Variants in SLC8A1 observed in about 807,000 individuals in gnomAD.
SLC8A1 encodes the protein sodium/calcium exchanger 1.
SLC8A1 carries 18 observed loss-of-function variants against 68.3 expected under a neutral mutation model. The observed-to-expected ratio is 0.26, with a 90% confidence interval of 0.18 to 0.39. The LOEUF (loss-of-function observed/expected upper bound fraction) is 0.39, where lower values mean the gene tolerates loss of function less well. SLC8A1 is among the 10% of genes least tolerant of loss of function. The pLI is 1.00. For missense variants in SLC8A1, 985 were observed against 1,156.7 expected, an observed-to-expected ratio of 0.85 and a Z score of 2.15; for synonymous variants, 475 against 415.5, an observed-to-expected ratio of 1.14 and a Z score of -1.74.
chr2:40,102,851 A>G (rs1306853148), exon 8 of SLC8A1: 1 of 152,204 alleles, frequency 6.6e-6, no homozygotes, highest in Non-Finnish European at 1.5e-5. Flanking sequence ...TTAAAATATG[A>G]AAATACAGTC....
intron 1 of SLC8A1, among the ~76,000 whole-genome samples, chr2:40,501,414 C>T (rs1053958911): frequency 6.6e-6 from 1 of 152,078 alleles, no homozygotes; most frequent in Non-Finnish European, 1.5e-5. Flanking sequence ...CATACATTTG[C>T]TCACTTTAAA....
At chr2:40,271,877 T>A (rs998426729) in intron 2 of SLC8A1, among the ~76,000 whole-genome samples, 1 of 152,116 alleles carries the variant, frequency 6.6e-6, no homozygotes, top group East Asian at 1.9e-4. Context: ...TTTATTTATT[T>A]TTTTTTAGAG....
rs1033811077 is a variant in SLC8A1, at chr2:40,426,561, G to C, written c.1808+1912C>G. 2.0e-5 allele frequency among the ~76,000 whole-genome samples: 3 copies of C among 151,978 alleles called. No homozygotes were observed. In the South Asian group the frequency reaches 6.2e-4, roughly 32 times the overall value. The stretch of plus-strand genomic sequence containing the variant: ...CCCAAAAGAAGGTTATTTATGGTTT[G>C]GTAAAAGTCCTGAACTGCAGAATAG... On this transcript the variant is annotated intron_variant, in intron 2 of 7. Transcript: ENST00000406785.
chr2:40,107,752 G>A (rs1035382701), exon 8 of SLC8A1: 4 of 152,150 alleles, frequency 2.6e-5, no homozygotes, highest in Non-Finnish European at 5.9e-5. Flanking sequence ...GAAGTTTACA[G>A]AGATCACCTA....
intron 1 of SLC8A1, among the ~76,000 whole-genome samples, chr2:40,468,397 T>G (rs1446477017): frequency 6.6e-6 from 1 of 152,154 alleles, no homozygotes; most frequent in Non-Finnish European, 1.5e-5. Flanking sequence ...TGACAATTAC[T>G]TAGTTTATTT....
intron 2 of SLC8A1, among the ~76,000 whole-genome samples, chr2:40,368,484 C>G (rs886786728): frequency 6.6e-6 from 1 of 151,870 alleles, no homozygotes; most frequent in South Asian, 2.1e-4. Flanking sequence ...TTGGGAGGAA[C>G]TGGGATTTAC....
intron 2 of SLC8A1, among the ~76,000 whole-genome samples, chr2:40,389,382 G>T (rs1016833345): frequency 1.3e-5 from 2 of 151,922 alleles, no homozygotes; most frequent in African/African-American, 4.8e-5. Context: ...CTATCAGTTT[G>T]CAATATTTCA....
At chr2:40,370,360 C>G (rs1459303160) in intron 2 of SLC8A1, among the ~76,000 whole-genome samples, 2 of 152,116 alleles carry the variant, frequency 1.3e-5, no homozygotes, top group Non-Finnish European at 2.9e-5. Flanking sequence ...AGCACCCACA[C>G]CACCTTCTCC....
intron 2 of SLC8A1, among the ~76,000 whole-genome samples, chr2:40,405,542 C>A (rs1690075540): frequency 6.6e-6 from 1 of 152,210 alleles, no homozygotes; most frequent in South Asian, 2.1e-4. Flanking sequence ...TGCCACAATT[C>A]ATTTTCCAAT....
At chr2:40,463,089 G>T (rs1703440054) in intron 1 of SLC8A1, among the ~76,000 whole-genome samples, 1 of 152,174 alleles carries the variant, frequency 6.6e-6, no homozygotes, top group Non-Finnish European at 1.5e-5. Context: ...TAACATTGTG[G>T]TAAGTGGCAG....
At chr2:40,282,051 T>C (rs750784600) in intron 2 of SLC8A1, among the ~76,000 whole-genome samples, 1 of 152,166 alleles carries the variant, frequency 6.6e-6, no homozygotes, top group Non-Finnish European at 1.5e-5. Context: ...CACAAGAGCG[T>C]ACCTTTAATG....
chr2:40,131,729 A>T (rs2039372913), intron 7 of SLC8A1, among the ~76,000 whole-genome samples: 1 of 152,098 alleles, frequency 6.6e-6, no homozygotes, highest in Non-Finnish European at 1.5e-5. Flanking sequence ...CCTGGGCCCC[A>T]CTGACCGGCA....
chr2:40,353,175 G>C (rs1314791017), intron 2 of SLC8A1, among the ~76,000 whole-genome samples: 1 of 152,120 alleles, frequency 6.6e-6, no homozygotes, highest in African/African-American at 2.4e-5. Context: ...AAATTTTTGA[G>C]AATGAGAACT....
At chr2:40,509,475 A>T (rs1222593977) in intron 1 of SLC8A1, among the ~76,000 whole-genome samples, 1 of 140,730 alleles carries the variant, frequency 7.1e-6, no homozygotes. Context: ...AGAATTGCCA[A>T]TGATATCTTT....
chr2:40,234,301 A>T (rs1439642065), intron 2 of SLC8A1, among the ~76,000 whole-genome samples: 1 of 151,430 alleles, frequency 6.6e-6, no homozygotes, highest in Non-Finnish European at 1.5e-5. Context: ...GTTCTCCTTG[A>T]AGAGGTCCTT....
chr2:40,181,240 G>T (rs1392174651), intron 2 of SLC8A1, among the ~76,000 whole-genome samples: 2 of 152,178 alleles, frequency 1.3e-5, no homozygotes, highest in African/African-American at 4.8e-5. Flanking sequence ...GATTACAGGG[G>T]TGAGCCACCA....
At chr2:40,474,374 C>T (rs1704159980) in intron 1 of SLC8A1, among the ~76,000 whole-genome samples, 1 of 152,152 alleles carries the variant, frequency 6.6e-6, no homozygotes, top group Non-Finnish European at 1.5e-5. Context: ...AAGAAGTTTA[C>T]TCTTGGACAA....
intron 2 of SLC8A1, among the ~76,000 whole-genome samples, chr2:40,363,051 G>A (rs1675062627): frequency 6.6e-6 from 1 of 151,952 alleles, no homozygotes; most frequent in Non-Finnish European, 1.5e-5. Flanking sequence ...ACCACCCCTA[G>A]AAGGTACTGC....
At chr2:40,472,214 T>C (rs1013521561) in intron 1 of SLC8A1, among the ~76,000 whole-genome samples, 2 of 152,158 alleles carry the variant, frequency 1.3e-5, no homozygotes, top group African/African-American at 4.8e-5. Context: ...AGAAAAAAAC[T>C]TGAATTGGAA....
Sources: gnomAD v4.1 joint callset for allele counts (sites outside exome capture counted in the v4.1 genomes callset) on GRCh38, gnomAD v4.1.1 for gene constraint, MANE v1.5 for transcripts, NCBI Gene and HGNC (gene_info 2026-07-23, HGNC 2026-07-21) for gene names.